The following ZNF609 variants were observed in gnomAD, a reference collection of about 807,000 sequenced individuals.
The protein encoded by ZNF609 is zinc finger protein 609.
Under a neutral mutation model 109.5 loss-of-function variants are expected in ZNF609, and 11 were observed. The observed-to-expected ratio is 0.10, with a 90% CI of 0.06 to 0.17. The LOEUF (loss-of-function observed/expected upper bound fraction) is 0.17, where lower values mean the gene tolerates loss of function less well. ZNF609 is among the 10% of genes least tolerant of loss of function. The pLI is 1.00. For missense variants in ZNF609, 1,559 were observed against 1,772.4 expected, an observed-to-expected ratio of 0.88 and a Z score of 2.16; for synonymous variants, 646 against 662.0, an observed-to-expected ratio of 0.98 and a Z score of 0.37.
At chr15:64,545,397 C>T (rs1894340647) in intron 2 of ZNF609, among the ~76,000 whole-genome samples, 1 of 152,152 alleles carries the variant, frequency 6.6e-6, no homozygotes, top group Non-Finnish European at 1.5e-5. Context: ...TGGGGTTTCA[C>T]CGTGTTGCCC....
intron 2 of ZNF609, among the ~76,000 whole-genome samples, chr15:64,533,821 C>G (rs896418292): frequency 3.3e-5 from 5 of 152,156 alleles, no homozygotes; most frequent in Admixed American, 6.6e-5. Context: ...TTTTCCAAAA[C>G]TAGTGTAACA....
intron 2 of ZNF609, among the ~76,000 whole-genome samples, chr15:64,615,033 C>T (rs779873855): frequency 2.2e-4 from 33 of 151,914 alleles, no homozygotes; most frequent in Non-Finnish European, 3.1e-4. Context: ...TGGCCAGGCT[C>T]GTCTCAAACT....
intron 1 of ZNF609, among the ~76,000 whole-genome samples, chr15:64,466,394 AAC>A (rs1168426318): frequency 1.3e-5 from 2 of 152,156 alleles, no homozygotes; most frequent in East Asian, 3.8e-4. Context: ...CTTCTCTTGA[AAC>A]ACATACACAC....
chr15:64,611,563 A>G (rs1895715863), intron 2 of ZNF609, among the ~76,000 whole-genome samples: 1 of 152,144 alleles, frequency 6.6e-6, no homozygotes, highest in Non-Finnish European at 1.5e-5. Flanking sequence ...TCTCCTCTTT[A>G]GCAGAAAAGG....
At chr15:64,599,246 T>TAATTG (rs944823627) in intron 2 of ZNF609, among the ~76,000 whole-genome samples, 2 of 134,330 alleles carry the variant, frequency 1.5e-5, no homozygotes, top group Non-Finnish European at 3.1e-5. Context: ...TAAAAACACC[T>TAATTG]AATTGCATTA....
intron 2 of ZNF609, among the ~76,000 whole-genome samples, chr15:64,520,762 A>G (rs1893880143): frequency 7.9e-5 from 12 of 152,200 alleles, no homozygotes; most frequent in Admixed American, 7.9e-4. Context: ...TGTCTCTTCA[A>G]TTCCTAGCTG....
At chr15:64,623,996 A>G (rs1395351085) in intron 3 of ZNF609, among the ~76,000 whole-genome samples, 1 of 152,118 alleles carries the variant, frequency 6.6e-6, no homozygotes, top group Non-Finnish European at 1.5e-5. Flanking sequence ...TCACAGAGCT[A>G]TTTTGTCAGT....
chr15:64,486,939 T>C (rs962239191), intron 1 of ZNF609, among the ~76,000 whole-genome samples: 1 of 152,176 alleles, frequency 6.6e-6, no homozygotes, highest in Non-Finnish European at 1.5e-5. Context: ...GTTCTCTTAC[T>C]GCCCTTCTCT....
At chr15:64,637,135 T>C (rs529749556) in intron 3 of ZNF609, among the ~76,000 whole-genome samples, 2 of 152,316 alleles carry the variant, frequency 1.3e-5, no homozygotes, top group South Asian at 4.1e-4. Context: ...CATTTTGAAC[T>C]TCATGTAAAT....
chr15:64,680,517 C>G, intron 7 of ZNF609, 129 bp from the exon 8 acceptor site: 1 of 1,277,536 alleles, frequency 7.8e-7, no homozygotes, highest in Non-Finnish European at 1.1e-6. Context: ...TCTTAGGTAT[C>G]TTGCACTTTT....
At chr15:64,565,074 A>AAAAAACAGAAAGGGCCAAAAGCTCAC (rs1894754725) in intron 2 of ZNF609, among the ~76,000 whole-genome samples, 1 of 110,930 alleles carries the variant, frequency 9.0e-6, no homozygotes, top group African/African-American at 3.6e-5. Flanking sequence ...TTTTTTTGAG[A>AAAAAACAGAAAGGGCCAAAAGCTCAC]CGGAGTCTTG....
intron 2 of ZNF609, among the ~76,000 whole-genome samples, chr15:64,591,113 T>C (rs1387836687): frequency 2.0e-5 from 3 of 151,384 alleles, no homozygotes; most frequent in Non-Finnish European, 4.4e-5. Flanking sequence ...CTTGGGAGGA[T>C]TGCTTGAGCC....
chr15:64,607,183 TAAAAA>T (rs35601437), intron 2 of ZNF609, among the ~76,000 whole-genome samples: 3 of 151,328 alleles, frequency 2.0e-5, no homozygotes, highest in African/African-American at 7.3e-5. Context: ...ATAAATAAAG[TAAAAA>T]AAATAAATAA....
At chr15:64,661,787 T>G (rs765895475) in intron 3 of ZNF609, among the ~76,000 whole-genome samples, 1 of 152,200 alleles carries the variant, frequency 6.6e-6, no homozygotes, top group African/African-American at 2.4e-5. Flanking sequence ...TCTTCACTGT[T>G]TTTGTAACTT....
intron 2 of ZNF609, chr15:64,593,195 T>TGCACA (rs1895331887): frequency 6.6e-7 from 1 of 1,524,574 alleles, no homozygotes. Flanking sequence ...GAAGCTGCAT[T>TGCACA]ACTGTGTGAG....
At chr15:64,617,941 C>G (rs1895824295) in intron 2 of ZNF609, among the ~76,000 whole-genome samples, 1 of 152,152 alleles carries the variant, frequency 6.6e-6, no homozygotes. Context: ...CATGATGGCA[C>G]TTCTTAGCAT....
At chr15:64,586,383 A>G (rs773178805) in intron 2 of ZNF609, among the ~76,000 whole-genome samples, 3 of 151,952 alleles carry the variant, frequency 2.0e-5, no homozygotes, top group Non-Finnish European at 4.4e-5. Context: ...AACATTTTCT[A>G]CTGTGGCCTT....
At chr15:64,465,848 G>A (rs977598915) in intron 1 of ZNF609, among the ~76,000 whole-genome samples, 2 of 151,796 alleles carry the variant, frequency 1.3e-5, no homozygotes, top group Non-Finnish European at 2.9e-5. Flanking sequence ...GGGCGCAGTG[G>A]CTCATGCCTG....
At chr15:64,471,556 A>G (rs1472664306) in intron 1 of ZNF609, among the ~76,000 whole-genome samples, 1 of 152,158 alleles carries the variant, frequency 6.6e-6, no homozygotes, top group Non-Finnish European at 1.5e-5. Flanking sequence ...AGAATGATTT[A>G]TATTAGAAAT....
Sources: allele counts gnomAD v4.1 joint callset (sites outside exome capture counted in the v4.1 genomes callset), GRCh38; gene constraint gnomAD v4.1.1; transcripts MANE v1.5; gene names NCBI Gene and HGNC (gene_info 2026-07-23, HGNC 2026-07-21).